ZNF837: variants seen among roughly 807,000 people sequenced by gnomAD.
The protein encoded by ZNF837 is zinc finger protein 837.
For missense variants in ZNF837, 955 were observed against 801.7 expected (o/e 1.19, Z -2.31); for synonymous variants, 475 against 365.2 (o/e 1.30, Z -3.43).
chr19:58,368,434 T>C lies in ZNF837; in HGVS notation c.899A>G (p.Glu300Gly). Residue 300 changes from glutamate to glycine, a missense_variant, in exon 3 of 3, where the codon GAG (glutamate) becomes GGG (glycine). By Grantham distance (98) the Glu-to-Gly change is moderately conservative. Coordinates refer to ENST00000597582, the MANE Select transcript of ZNF837 (RefSeq NM_138466.2). ...QRIHTGERPY[E>G]CAECGKAFVR... ...GAAGGCCTTGCCGCACTCGGCGCAC[T>C]CGTAGGGCCGCTCGCCCGTGTGGAT... 1.9e-6 allele frequency: 3 copies of C among 1,548,950 alleles called. No individual in the cohort carries two copies. The highest frequency in any genetic ancestry group is 1.2e-5 in the South Asian group (1 of 84,488).
chr19:58,368,000 G>C lies in ZNF837; in HGVS notation c.1333C>G (p.Arg445Gly). 1 of 1,531,844 alleles carries C rather than the reference G, an allele frequency of 6.5e-7. No individual in the cohort carries two copies. The highest frequency in any genetic ancestry group is 2.5e-5 in the East Asian group (1 of 40,750). 94.9% of individuals were successfully genotyped at this position (1,531,844 alleles called of 1,614,324 possible). Residue 445 changes from arginine (R) to glycine (G), a missense_variant, in exon 3 of 3, where the codon CGG (arginine) becomes GGG (glycine). By Grantham distance (125) the Arg-to-Gly change is moderately radical. Transcript: ENST00000597582. ...CCGCACTCGGAGCAGCCATAGGGCC[G>C]CTCGCCGGTGTGCGCGCGCTGGTGT... ...VQHQRAHTGE[R>G]PYGCSECGKT... is the part of the protein sequence containing the mutation.
chr19:58,371,984 G>A (rs573007016), intron 1 of ZNF837, among the ~76,000 whole-genome samples: 124 of 152,180 alleles, frequency 8.1e-4, no homozygotes, highest in African/African-American at 2.8e-3. Flanking sequence ...GCCTCCCAAA[G>A]CGCTGGGATT....
chr19:58,372,349 G>A (rs1224757750), intron 1 of ZNF837, among the ~76,000 whole-genome samples: 2 of 150,582 alleles, frequency 1.3e-5, no homozygotes, highest in Non-Finnish European at 3.0e-5. Flanking sequence ...GTGAGTCACC[G>A]CACCCAGCCG....
intron 1 of ZNF837, among the ~76,000 whole-genome samples, chr19:58,374,380 T>A (rs1467740657): frequency 6.6e-6 from 1 of 152,216 alleles, no homozygotes; most frequent in Non-Finnish European, 1.5e-5. Context: ...TACTAACACA[T>A]ACTGCAACAT....
intron 1 of ZNF837, among the ~76,000 whole-genome samples, chr19:58,375,067 T>C (rs2052230294): frequency 6.7e-6 from 1 of 149,994 alleles, no homozygotes; most frequent in African/African-American, 2.5e-5. Context: ...GAGACCACCC[T>C]GGCCAACATG....
chr19:58,375,667 C>T (rs964270291), intron 1 of ZNF837, among the ~76,000 whole-genome samples: 16 of 151,242 alleles, frequency 1.1e-4, no homozygotes, highest in Non-Finnish European at 1.9e-4. Context: ...AGGCTGGTCT[C>T]GAACTCCTGA....
At chr19:58,371,245 A>G (rs896566910) in intron 1 of ZNF837, among the ~76,000 whole-genome samples, 1 of 149,960 alleles carries the variant, frequency 6.7e-6, no homozygotes, top group Non-Finnish European at 1.5e-5. Context: ...TGTCTCAAAA[A>G]AAAAAAAAAA....
At chr19:58,371,966 C>A (rs1162673653) in intron 1 of ZNF837, among the ~76,000 whole-genome samples, 1 of 151,842 alleles carries the variant, frequency 6.6e-6, no homozygotes, top group African/African-American at 2.4e-5. Context: ...TGTGATCTGC[C>A]CACCTCGGCC....
chr19:58,369,105 C>CG lies in ZNF837; in HGVS notation c.227dup (p.Thr78AspfsTer24). 4 of 1,501,056 alleles carry CG rather than the reference C, an allele frequency of 2.7e-6. No homozygotes were observed. The highest frequency in any genetic ancestry group is 3.6e-6 in the Non-Finnish European group (4 of 1,125,854). 93.0% of individuals were successfully genotyped at this position (1,501,056 alleles called of 1,614,324 possible). On this transcript the variant is annotated frameshift_variant, in exon 3 of 3. Transcript: ENST00000597582. LOFTEE classifies it low-confidence loss of function (END_TRUNC). ...TGGTCCCGGCGCTGTGCCGGGTCCC[C>CG]GGGCCGGGGCTCACCCCGAGGCTGC...
intron 1 of ZNF837, among the ~76,000 whole-genome samples, chr19:58,375,311 T>TATATATATAA (rs1411570512): frequency 2.4e-5 from 1 of 41,066 alleles, no homozygotes; most frequent in African/African-American, 5.3e-5. Context: ...TATATATATA[T>TATATATATAA]AAAATTACAT....
chr19:58,376,497 A>G (rs909287946), intron 1 of ZNF837, among the ~76,000 whole-genome samples: 3 of 135,738 alleles, frequency 2.2e-5, no homozygotes, highest in East Asian at 2.3e-4. Flanking sequence ...AGAGCTTGCC[A>G]TAAGTCAAAA....
At chr19:58,369,698 T>TC (rs2148015213) in intron 2 of ZNF837, 121 bp downstream of exon 2, 1 of 192,708 alleles carries the variant, frequency 5.2e-6, no homozygotes, top group South Asian at 2.0e-4. Context: ...AGCTGCCAGC[T>TC]CCCCAAAATC....
rs2052210564 is a variant in ZNF837, at chr19:58,372,437, G to GGT, written c.-139-2510_-139-2509insAC. Among the ~76,000 whole-genome samples the GGT allele has an allele frequency of 2.0e-5, 3 of 152,096 alleles. No individual in the cohort carries two copies. In the South Asian group the frequency reaches 6.2e-4, roughly 32 times the overall value. Reference sequence around the variant, plus strand: ...AATCCCAACACTTGGGGAGTCCGGGGGGGGCGGATCACGAGGTCAAGAGAT... The same window carrying GGT: ...AATCCCAACACTTGGGGAGTCCGGGGGTGGGGCGGATCACGAGGTCAAGAGAT... On this transcript the variant is annotated intron_variant, in intron 1 of 2. Coordinates refer to ENST00000597582, the MANE Select transcript of ZNF837 (RefSeq NM_138466.2).
chr19:58,375,017 A>C (rs2052230003), intron 1 of ZNF837, among the ~76,000 whole-genome samples: 2 of 150,552 alleles, frequency 1.3e-5, no homozygotes, highest in African/African-American at 2.4e-5. Context: ...CCAACACTTT[A>C]GGAGGCTGAG....
In ZNF837 at chr19:58,368,170, TCGCCGGTGTGCACG is replaced by T. The variant is rs748490735; in HGVS notation, c.1149_1162del (p.Val384GlufsTer174). On this transcript the variant is annotated frameshift_variant, in exon 3 of 3. Transcript: ENST00000597582. LOFTEE classifies it low-confidence loss of function (END_TRUNC). Reference sequence around the variant, plus strand: ...GCACTCGGGGCACGCGTAGGGCTTCTCGCCGGTGTGCACGCGCCGGTGCTCCACGAGGTGCGAGA... The same window carrying T: ...GCACTCGGGGCACGCGTAGGGCTTCTCGCCGGTGCTCCACGAGGTGCGAGA... 2.3e-5 allele frequency: 37 copies of T among 1,587,268 alleles called. No individual in the cohort carries two copies. Among genetic ancestry groups the T allele is most frequent in the African/African-American group, 1.2e-4 (9 of 74,102 alleles).
chr19:58,373,078 G>T (rs2052215240), intron 1 of ZNF837, among the ~76,000 whole-genome samples: 1 of 152,166 alleles, frequency 6.6e-6, no homozygotes, highest in African/African-American at 2.4e-5. Context: ...CAACCCTCCT[G>T]TCCCCTCCAG....
At chr19:58,379,616 G>A (rs1328246799) in intron 1 of ZNF837, among the ~76,000 whole-genome samples, 2 of 152,220 alleles carry the variant, frequency 1.3e-5, no homozygotes, top group Non-Finnish European at 2.9e-5. Context: ...GAGCATGCTT[G>A]CACCTGGGTG....
At position 58,367,718 on chromosome 19, in the gene ZNF837, G is replaced by T; in HGVS notation, c.*19C>A. The T allele has an allele frequency of 6.7e-7, 1 of 1,484,700 alleles. No individual in the cohort carries two copies. The allele number at this position is 1,484,700 out of a possible 1,614,324, so 92.0% of individuals were successfully genotyped here. Reference sequence around the variant, plus strand: ...GCAGGGTTCGCTTGGGCGACGCGTCGACTCTCGGCTCCCTGCAGTCAAGGC... The same window carrying T: ...GCAGGGTTCGCTTGGGCGACGCGTCTACTCTCGGCTCCCTGCAGTCAAGGC... On this transcript the variant is annotated 3_prime_UTR_variant, in exon 3 of 3. Coordinates refer to ENST00000597582, the MANE Select transcript of ZNF837 (RefSeq NM_138466.2).
chr19:58,377,367 TGTG>T (rs780623308), intron 1 of ZNF837, among the ~76,000 whole-genome samples: 12 of 149,568 alleles, frequency 8.0e-5, no homozygotes, highest in Non-Finnish European at 1.6e-4. Context: ...ATTAGCCAGG[TGTG>T]GTGGTGGGCG....
Sources: allele counts gnomAD v4.1 joint callset (sites outside exome capture counted in the v4.1 genomes callset), GRCh38; gene constraint gnomAD v4.1.1; transcripts MANE v1.5; gene names NCBI Gene and HGNC (gene_info 2026-07-23, HGNC 2026-07-21).